Variants in G3BP2 observed in about 807,000 individuals in gnomAD.
The protein encoded by G3BP2 is ras GTPase-activating protein-binding protein 2.
Under a neutral mutation model 56.7 loss-of-function variants are expected in G3BP2, and 11 were observed. The observed-to-expected ratio is 0.19, with a 90% CI of 0.12 to 0.32. G3BP2 has a LOEUF of 0.32. Ranked by LOEUF, G3BP2 falls within the 10% of genes least tolerant of loss-of-function variation. The pLI is 1.00. For missense variants in G3BP2, 340 were observed against 610.9 expected, an observed-to-expected ratio of 0.56 and a Z score of 4.67; for synonymous variants, 165 against 191.6, an observed-to-expected ratio of 0.86 and a Z score of 1.15.
At chr4:75,679,419 TG>T (rs1733992337) in intron 3 of G3BP2, among the ~76,000 whole-genome samples, 1 of 152,230 alleles carries the variant, frequency 6.6e-6, no homozygotes, top group Non-Finnish European at 1.5e-5. Context: ...TTTGTGAGGC[TG>T]GGACAGGTTA....
intron 3 of G3BP2, among the ~76,000 whole-genome samples, chr4:75,702,185 T>TTTC (rs1225096618): frequency 2.3e-4 from 34 of 150,160 alleles, no homozygotes; most frequent in Admixed American, 1.9e-3. Flanking sequence ...TTTTTTTTTT[T>TTTC]TTTTTTTTGA....
At chr4:75,702,841 A>G (rs1041952751) in intron 3 of G3BP2, among the ~76,000 whole-genome samples, 1 of 152,216 alleles carries the variant, frequency 6.6e-6, no homozygotes, top group Non-Finnish European at 1.5e-5. Flanking sequence ...ACTGCAATGT[A>G]AATATATCAA....
chr4:75,680,737 C>T (rs979062092), intron 3 of G3BP2, among the ~76,000 whole-genome samples: 3 of 151,650 alleles, frequency 2.0e-5, no homozygotes, highest in South Asian at 4.2e-4. Context: ...GAGGCTGAGG[C>T]GGGCGGATCG....
intron 1 of G3BP2, among the ~76,000 whole-genome samples, chr4:75,671,108 A>AGGTG (rs893384569): frequency 1.3e-5 from 2 of 152,210 alleles, no homozygotes; most frequent in Non-Finnish European, 2.9e-5. Flanking sequence ...ACCTTCCTGA[A>AGGTG]GGTGGGTGGA....
At chr4:75,683,969 A>AT (rs899714957) in intron 3 of G3BP2, among the ~76,000 whole-genome samples, 32 of 150,902 alleles carry the variant, frequency 2.1e-4, no homozygotes, top group East Asian at 5.8e-4. Context: ...GAAGCAGAGG[A>AT]TTTTTTTTTT....
rs1732013063 is a variant in G3BP2, at chr4:75,655,343, A to G, written c.546-97T>C. On this transcript the variant is annotated intron_variant, in intron 6 of 11. Transcript: ENST00000359707. ...AATGGGTGTAACTAGTTATATGCCA[A>G]TAACTTGTTCTAGATCTACAAAGTA... The G allele has an allele frequency of 2.5e-5, 21 of 853,950 alleles. No homozygotes were observed. In the South Asian group the frequency reaches 2.6e-4, roughly 10 times the overall value. 52.9% of individuals were successfully genotyped at this position (853,950 alleles called of 1,614,324 possible).
At position 75,648,993 on chromosome 4, in the gene G3BP2, T is replaced by G. The variant is rs372878554; in HGVS notation, c.826-252A>C. On this transcript the variant is annotated intron_variant, in intron 8 of 11. Transcript: ENST00000359707. ...AATAAGTTGCTTTTTACAGTCACAT[T>G]TTTTCATTAAAGTTATATCAACACT... The G allele has an allele frequency of 1.4e-5, 4 of 292,472 alleles. No homozygotes were observed. In the East Asian group the frequency reaches 2.2e-4, roughly 16 times the overall value. 18.1% of individuals were successfully genotyped at this position (292,472 alleles called of 1,614,324 possible).
At chr4:75,659,116 A>G (rs751993139) in intron 2 of G3BP2, among the ~76,000 whole-genome samples, 192 bp from the exon 3 acceptor site, 1 of 152,164 alleles carries the variant, frequency 6.6e-6, no homozygotes, top group Non-Finnish European at 1.5e-5. Flanking sequence ...ACTACTCCAT[A>G]TGGTTGTTGT....
At chr4:75,651,173 T>C (rs1463624472) in intron 8 of G3BP2, among the ~76,000 whole-genome samples, 1 of 152,156 alleles carries the variant, frequency 6.6e-6, no homozygotes, top group Non-Finnish European at 1.5e-5. Context: ...TAAACAGAAT[T>C]AGAGAATAAA....
chr4:75,661,656 CTAAAAATAAAATACTAGAGTACA>C (rs1197267576), intron 2 of G3BP2: 1 of 224,576 alleles, frequency 4.5e-6, no homozygotes, highest in African/African-American at 2.3e-5. Flanking sequence ...GACCATGACT[CTAAAAATAAAATACTAGAGTACA>C]TATAAGAATA....
chr4:75,648,951 A>G, intron 8 of G3BP2: 1 of 395,944 alleles, frequency 2.5e-6, no homozygotes, highest in Non-Finnish European at 4.6e-6. Flanking sequence ...TTTCCCACTT[A>G]ATGCTGTGTA....
chr4:75,667,629 T>C (rs904882333), intron 1 of G3BP2, among the ~76,000 whole-genome samples: 3 of 152,214 alleles, frequency 2.0e-5, no homozygotes, highest in Non-Finnish European at 4.4e-5. Flanking sequence ...CAGTGGCTCA[T>C]GCCTACTTCC....
At chr4:75,710,290 G>A (rs1421226313) in intron 3 of G3BP2, among the ~76,000 whole-genome samples, 1 of 152,152 alleles carries the variant, frequency 6.6e-6, no homozygotes, top group Non-Finnish European at 1.5e-5. Context: ...ATGACGACAT[G>A]AGAAACCAAG....
chr4:75,718,957 C>T (rs1309189953), intron 3 of G3BP2, among the ~76,000 whole-genome samples: 1 of 152,138 alleles, frequency 6.6e-6, no homozygotes, highest in African/African-American at 2.4e-5. Context: ...TGGCTTGATA[C>T]CCCAGATTAA....
intron 3 of G3BP2, among the ~76,000 whole-genome samples, chr4:75,696,529 T>C (rs745567875): frequency 6.6e-6 from 1 of 152,190 alleles, no homozygotes; most frequent in Non-Finnish European, 1.5e-5. Context: ...GTCCATGGTT[T>C]TGAGAGTGTG....
chr4:75,646,057 C>T (rs1279362689), intron 11 of G3BP2, among the ~76,000 whole-genome samples: 1 of 152,158 alleles, frequency 6.6e-6, no homozygotes, highest in Non-Finnish European at 1.5e-5. Flanking sequence ...AATCCTTCTG[C>T]CTTAACTTCC....
intron 3 of G3BP2, among the ~76,000 whole-genome samples, chr4:75,698,585 A>G (rs1719216696): frequency 6.6e-6 from 1 of 152,152 alleles, no homozygotes; most frequent in Non-Finnish European, 1.5e-5. Context: ...TCTCCTAGAC[A>G]GCTATTTTAC....
chr4:75,647,532 A>C (rs1281220618), intron 9 of G3BP2, among the ~76,000 whole-genome samples: 9 of 152,238 alleles, frequency 5.9e-5, no homozygotes, highest in Admixed American at 5.9e-4. Flanking sequence ...GAAATTCAAA[A>C]TTCTTTGGCT....
intron 3 of G3BP2, among the ~76,000 whole-genome samples, chr4:75,692,721 C>T (rs1718919662): frequency 6.6e-6 from 1 of 152,012 alleles, no homozygotes; most frequent in Non-Finnish European, 1.5e-5. Context: ...AGTAGGAATT[C>T]GTATTTAGAT....
Sources: allele counts gnomAD v4.1 joint callset (sites outside exome capture counted in the v4.1 genomes callset), GRCh38; gene constraint gnomAD v4.1.1; transcripts MANE v1.5; gene names NCBI Gene and HGNC (gene_info 2026-07-23, HGNC 2026-07-21).